MIPOL1: variants seen among roughly 807,000 people sequenced by gnomAD.
MIPOL1 encodes mirror-image polydactyly 1.
In MIPOL1, 57 loss-of-function variants were observed where a neutral mutation model predicts 60.9. The observed-to-expected ratio is 0.94, with a 90% confidence interval of 0.76 to 1.17. The LOEUF (loss-of-function observed/expected upper bound fraction) is 1.17, where lower values mean the gene tolerates loss of function less well. Among genes scored for constraint, MIPOL1 ranks in the 50% most tolerant of loss-of-function variants. The pLI is 0.00. For missense variants in MIPOL1, 551 were observed against 511.6 expected (o/e 1.08, Z -0.74); for synonymous variants, 179 against 168.8 (o/e 1.06, Z -0.47).
chr14:37,509,196 C>G (rs1345137879), intron 12 of MIPOL1, among the ~76,000 whole-genome samples: 1 of 152,058 alleles, frequency 6.6e-6, no homozygotes, highest in Admixed American at 6.6e-5. Context: ...GAGATCCAGT[C>G]TCATGTTTCC....
At position 37,427,832 on chromosome 14, in the gene MIPOL1, T is replaced by A. The variant is rs1467729949; in HGVS notation, c.1031+4883T>A. Among the ~76,000 whole-genome samples the A allele has an allele frequency of 2.0e-5, 3 of 152,126 alleles. No homozygotes were observed. The East Asian group carries it at 5.8e-4, about 29-fold the overall frequency. ...AATCTGTATGTGAAACACAACTAAT[T>A]CATAGAAATATTAGTTTTTTCTACT... On this transcript the variant is annotated intron_variant, in intron 11 of 12. Transcript: ENST00000684589.
intron 11 of MIPOL1, among the ~76,000 whole-genome samples, chr14:37,450,952 C>T (rs560610042): frequency 2.6e-5 from 4 of 151,886 alleles, no homozygotes; most frequent in Non-Finnish European, 5.9e-5. Context: ...TTTTAAGAAG[C>T]CTTGTACCCT....
intron 1 of MIPOL1, among the ~76,000 whole-genome samples, chr14:37,209,543 C>T (rs575823718): frequency 1.4e-4 from 21 of 152,174 alleles, no homozygotes; most frequent in African/African-American, 4.8e-4. Context: ...GCCTGTAATC[C>T]CAGCTACTCA....
chr14:37,348,983 CTTTTTTT>C (rs11347957), intron 9 of MIPOL1, among the ~76,000 whole-genome samples: 5 of 74,124 alleles, frequency 6.7e-5, no homozygotes, highest in Non-Finnish European at 8.9e-5. Flanking sequence ...CCAGCTAATT[CTTTTTTT>C]TTTTTTTTTT....
At chr14:37,509,009 C>T (rs370849048) in intron 12 of MIPOL1, among the ~76,000 whole-genome samples, 3 of 152,058 alleles carry the variant, frequency 2.0e-5, no homozygotes, top group Admixed American at 1.3e-4. Flanking sequence ...TGTTCCTACT[C>T]CATTTCTTTC....
rs571556933 is a variant in MIPOL1 at position 37,512,161 on chromosome 14, C to T, written c.1262+12023C>T. Among the ~76,000 whole-genome samples the T allele has an allele frequency of 1.4e-4, 10 of 69,866 alleles. No homozygotes were observed. The South Asian group carries it at 3.9e-3, about 27-fold the overall frequency. 45.8% of individuals were successfully genotyped at this position (69,866 alleles called of 152,430 possible). ...CCCTATATCTTTTGAGCACTATTGA[C>T]CAAACACACACACACACACACAGCT... On this transcript the variant is annotated intron_variant, in intron 12 of 12. Transcript: ENST00000684589.
At chr14:37,334,065 T>C (rs899346017) in intron 9 of MIPOL1, among the ~76,000 whole-genome samples, 2 of 152,020 alleles carry the variant, frequency 1.3e-5, no homozygotes, top group Non-Finnish European at 1.5e-5. Flanking sequence ...GCAACACCTT[T>C]TAAATAATTC....
rs147633808 is a variant in MIPOL1, at chr14:37,345,173, A to G, written c.829-24344A>G. Among the ~76,000 whole-genome samples the G allele has an allele frequency of 2.1e-3, 323 of 152,240 alleles. 2 individuals carry two copies. Among genetic ancestry groups the G allele is most frequent in the African/African-American group, 7.2e-3 (299 of 41,544 alleles). ...AGTACAGTCATACAGACTGGAGTGC[A>G]GCTCACTGCAGCCTTGACCTCCTGG... is the stretch of plus-strand genomic sequence containing the variant. On this transcript the variant is annotated intron_variant, in intron 9 of 12. Transcript: ENST00000684589.
In MIPOL1 at chr14:37,520,926, C is replaced by CTT. The variant is rs11299536; in HGVS notation, c.1262+20815_1262+20816dup. Among the ~76,000 whole-genome samples, 255 of 47,730 alleles carry CTT rather than the reference C, an allele frequency of 5.3e-3. 12 individuals carry two copies. Among genetic ancestry groups the CTT allele is most frequent in the African/African-American group, 0.024 (232 of 9,708 alleles). The allele number at this position is 47,730 out of a possible 152,430, so 31.3% of individuals were successfully genotyped here. A position where few individuals can be genotyped will look rare whatever the true frequency, so the allele number is the denominator to read the frequency against. ...GATATTTGGAATTCTTAACATTTTA[C>CTT]TTTTTTTTTTTTTTTTTTTTTTTTT... On this transcript the variant is annotated intron_variant, in intron 12 of 12. Transcript: ENST00000684589.
chr14:37,248,511 C>T (rs955533149), intron 3 of MIPOL1, among the ~76,000 whole-genome samples: 29 of 151,644 alleles, frequency 1.9e-4, no homozygotes, highest in African/African-American at 6.5e-4. Flanking sequence ...CACAGGCATG[C>T]GGACAGATAC....
chr14:37,400,349 A>T (rs2093459074), intron 10 of MIPOL1: 1 of 152,176 alleles, frequency 6.6e-6, no homozygotes, highest in African/African-American at 2.4e-5. Context: ...TTTTAAGACT[A>T]ATCAGAGAAA....
intron 12 of MIPOL1, chr14:37,503,591 A>C (rs954327059): frequency 1.3e-4 from 20 of 152,218 alleles, no homozygotes; most frequent in Non-Finnish European, 2.1e-4. Flanking sequence ...GCCTTACAAG[A>C]GCTCCTGAAG....
At chr14:37,449,953 C>T (rs1022086490) in intron 11 of MIPOL1, among the ~76,000 whole-genome samples, 3 of 152,096 alleles carry the variant, frequency 2.0e-5, no homozygotes, top group African/African-American at 7.2e-5. Flanking sequence ...GCTGAGACTA[C>T]AGGTGTGCAC....
chr14:37,473,238 T>C (rs985705113), intron 11 of MIPOL1, among the ~76,000 whole-genome samples: 1 of 152,166 alleles, frequency 6.6e-6, no homozygotes, highest in Non-Finnish European at 1.5e-5. Context: ...TTTCTCCTGC[T>C]TCCTTTCTCA....
At chr14:37,202,609 A>G (rs1026328647) in intron 1 of MIPOL1, among the ~76,000 whole-genome samples, 7 of 152,234 alleles carry the variant, frequency 4.6e-5, no homozygotes, top group East Asian at 1.9e-4. Context: ...TTCAGACTTC[A>G]TAAGGGAGCA....
At chr14:37,452,784 T>G (rs1477924567) in intron 11 of MIPOL1, among the ~76,000 whole-genome samples, 1 of 152,216 alleles carries the variant, frequency 6.6e-6, no homozygotes, top group Admixed American at 6.5e-5. Flanking sequence ...TTTTCAGTTT[T>G]GCAGCTCCCA....
intron 9 of MIPOL1, among the ~76,000 whole-genome samples, chr14:37,350,881 C>T (rs1479423561): frequency 6.6e-6 from 1 of 152,100 alleles, no homozygotes; most frequent in East Asian, 1.9e-4. Context: ...TCTCCAGTTC[C>T]ATCCATGTTA....
intron 1 of MIPOL1, among the ~76,000 whole-genome samples, chr14:37,238,725 TGATCGCTTGAGCCTAGGA>T (rs1405628955): frequency 6.6e-6 from 1 of 150,516 alleles, no homozygotes; most frequent in East Asian, 2.0e-4. Flanking sequence ...TGGACTCTGG[TGATCGCTTGAGCCTAGGA>T]GTTCAAGACC....
chr14:37,308,579 C>T, intron 9 of MIPOL1, 60 bp downstream of exon 9: 1 of 1,283,294 alleles, frequency 7.8e-7, no homozygotes, highest in Non-Finnish European at 1.0e-6. Flanking sequence ...ATTTTTTTAA[C>T]CATTAAAAAC....
Sources: gnomAD v4.1 joint callset for allele counts (sites outside exome capture counted in the v4.1 genomes callset) on GRCh38, gnomAD v4.1.1 for gene constraint, MANE v1.5 for transcripts, NCBI Gene and HGNC (gene_info 2026-07-23, HGNC 2026-07-21) for gene names.